The following ADCY9 variants were observed in gnomAD, a reference collection of about 807,000 sequenced individuals.
ADCY9 encodes the protein adenylate cyclase type 9.
In ADCY9, 50 loss-of-function variants were observed where a neutral mutation model predicts 101.5. That is an observed-to-expected ratio of 0.49 (90% CI 0.39 to 0.62). ADCY9 has a LOEUF of 0.62. ADCY9 is among the 20% of genes least tolerant of loss of function. The probability of loss-of-function intolerance (pLI) is 0.00; values close to 1 mark genes in which losing one functional copy is unlikely to be tolerated. For synonymous variants in ADCY9, 905 were observed against 769.3 expected (o/e 1.18, Z -2.92); for missense variants, 1,662 against 1,800.4 (o/e 0.92, Z 1.39).
intron 3 of ADCY9, among the ~76,000 whole-genome samples, chr16:3,999,330 C>A (rs978510752): frequency 6.6e-6 from 1 of 152,222 alleles, no homozygotes; most frequent in African/African-American, 2.4e-5. Context: ...GGCCCCCATC[C>A]ACGCAATATC....
At chr16:4,077,082 A>G (rs2056872324) in intron 2 of ADCY9, among the ~76,000 whole-genome samples, 1 of 151,528 alleles carries the variant, frequency 6.6e-6, no homozygotes. Flanking sequence ...CGTCTCAAAA[A>G]AAAAAAAAAA....
At position 4,115,062 on chromosome 16, in the gene ADCY9, G is replaced by A; in HGVS notation, c.381C>T (p.Cys127=). 3 of 1,614,054 alleles carry A rather than the reference G, an allele frequency of 1.9e-6. No homozygotes were observed. The highest frequency in any genetic ancestry group is 2.5e-6 in the Non-Finnish European group (3 of 1,180,036). The stretch of plus-strand genomic sequence containing the variant: ...CCGCAAAATAGATGCTCCACAGAAG[G>A]CAGGCGAAGCCGATGTAGAAGAGCG... The part of the protein sequence containing the change: ...RYALFYIGFA[C]LLWSIYFAVH... Residue 127 remains cysteine (C), a synonymous_variant, in exon 2 of 11, where the codon TGC becomes TGT. Transcript: ENST00000294016. The surrounding 1 kb of genome is among the most constrained non-coding windows in gnomAD (Gnocchi z 6.2).
rs528624406 is a variant in ADCY9 at position 4,028,143 on chromosome 16, C to T, written c.1694-20585G>A. Among the ~76,000 whole-genome samples the T allele has an allele frequency of 2.0e-5, 3 of 152,216 alleles. No individual in the cohort carries two copies. The South Asian group carries it at 6.2e-4, about 32-fold the overall frequency. On this transcript the variant is annotated intron_variant, in intron 2 of 10. Transcript: ENST00000294016. ...CCTGATTGTACTGGTGGCTACAAAA[C>T]CTATACATGTGTTATGATCCTTAGA...
chr16:3,961,859 C>T (rs2055940757), downstream of ADCY9, among the ~76,000 whole-genome samples: 1 of 152,042 alleles, frequency 6.6e-6, no homozygotes, highest in African/African-American at 2.4e-5. Context: ...AACCCTGTCT[C>T]TACTAAAAAT....
At chr16:4,097,939 G>C (rs972899747) in intron 2 of ADCY9, among the ~76,000 whole-genome samples, 1 of 152,140 alleles carries the variant, frequency 6.6e-6, no homozygotes, top group Non-Finnish European at 1.5e-5. Flanking sequence ...GAACACAGCA[G>C]GAAGTAAAAC....
chr16:4,040,489 C>T (rs1317277070), intron 2 of ADCY9, among the ~76,000 whole-genome samples: 1 of 149,538 alleles, frequency 6.7e-6, no homozygotes, highest in Non-Finnish European at 1.5e-5. Context: ...TAGAGTCTCG[C>T]TCTGTCACCC....
chr16:3,986,235 C>G (rs183571853), intron 6 of ADCY9, among the ~76,000 whole-genome samples: 90 of 152,198 alleles, frequency 5.9e-4, no homozygotes, highest in African/African-American at 2.1e-3. Flanking sequence ...GTGGGATGCT[C>G]GGCTAAGAAC....
chr16:4,032,335 G>C (rs1343802226), intron 2 of ADCY9, among the ~76,000 whole-genome samples: 1 of 151,898 alleles, frequency 6.6e-6, no homozygotes, highest in Non-Finnish European at 1.5e-5. Context: ...GAAGAGCAGA[G>C]ACGGGACCAC....
intron 7 of ADCY9, chr16:3,982,399 T>G (rs1236531360): frequency 6.6e-6 from 1 of 152,320 alleles, no homozygotes; most frequent in Non-Finnish European, 1.5e-5. Context: ...CTAGTGGGAC[T>G]CTGCTAGGCC....
chr16:4,107,425 C>T (rs2057084139), intron 2 of ADCY9, among the ~76,000 whole-genome samples: 1 of 151,960 alleles, frequency 6.6e-6, no homozygotes, highest in Admixed American at 6.6e-5. Flanking sequence ...GTGGCGCACA[C>T]CTGTAATCCC....
intron 2 of ADCY9, among the ~76,000 whole-genome samples, chr16:4,046,497 C>T (rs1597189454): frequency 6.6e-6 from 1 of 152,200 alleles, no homozygotes; most frequent in East Asian, 1.9e-4. Context: ...CATTCCCACT[C>T]ATCCAGAGGA....
intron 2 of ADCY9, among the ~76,000 whole-genome samples, chr16:4,105,057 GA>G (rs71139609): frequency 0.89 from 132,540 of 148,930 alleles, 59,096 homozygotes; most frequent in East Asian, 1. Context: ...CAACAAGAGG[GA>G]AAAAAATCCA....
intron 5 of ADCY9, among the ~76,000 whole-genome samples, chr16:3,956,046 G>A (rs1478736121): frequency 6.6e-6 from 1 of 151,696 alleles, no homozygotes; most frequent in South Asian, 2.1e-4. Context: ...AAAATTTTTC[G>A]TAGAAAAAAT....
At chr16:4,105,588 G>A (rs910962010) in intron 2 of ADCY9, among the ~76,000 whole-genome samples, 8 of 150,634 alleles carry the variant, frequency 5.3e-5, no homozygotes, top group African/African-American at 1.2e-4. Flanking sequence ...ACTGAGACAC[G>A]AGAATTCCTT....
chr16:4,109,513 C>T (rs1026647489), intron 2 of ADCY9, among the ~76,000 whole-genome samples: 2 of 152,198 alleles, frequency 1.3e-5, no homozygotes, highest in African/African-American at 2.4e-5. Flanking sequence ...CAAGTCCATC[C>T]TGCATTCTCC....
chr16:4,005,490 C>A (rs2056361024), intron 3 of ADCY9, among the ~76,000 whole-genome samples: 1 of 152,202 alleles, frequency 6.6e-6, no homozygotes, highest in African/African-American at 2.4e-5. Flanking sequence ...CGGCCGCCCA[C>A]AGCACCAGGA....
intron 2 of ADCY9, among the ~76,000 whole-genome samples, chr16:4,036,652 G>C (rs945743367): frequency 6.6e-6 from 1 of 151,908 alleles, no homozygotes; most frequent in African/African-American, 2.4e-5. Flanking sequence ...AGTAGAGAAA[G>C]GGTTTCGCCA....
At chr16:4,029,744 C>T (rs920866772) in intron 2 of ADCY9, among the ~76,000 whole-genome samples, 1 of 151,942 alleles carries the variant, frequency 6.6e-6, no homozygotes, top group African/African-American at 2.4e-5. Flanking sequence ...GACTCTGTCT[C>T]AAGACAATAC....
At position 3,977,496 on chromosome 16, in the gene ADCY9, G is replaced by C; in HGVS notation, c.2814C>G (p.Ser938=). 1 of 1,568,982 alleles carries C rather than the reference G, an allele frequency of 6.4e-7. No individual in the cohort carries two copies. The highest frequency in any genetic ancestry group is 8.6e-7 in the Non-Finnish European group (1 of 1,157,238). ...TGGCCGCGTACCTGTCTGGGCACAGGGAGACGTAGAGCAGGAGCAGCGGCC... is the reference window on the plus strand; with the variant it reads ...TGGCCGCGTACCTGTCTGGGCACAGCGAGACGTAGAGCAGGAGCAGCGGCC... ...GAGPLLLLYV[S]LCPDSSVLTS... Residue 938 remains serine (S), a synonymous_variant, in exon 9 of 11, where the codon TCC becomes TCG. Transcript: ENST00000294016.
Sources: gnomAD v4.1 joint callset for allele counts (sites outside exome capture counted in the v4.1 genomes callset) on GRCh38, gnomAD v4.1.1 for gene constraint, Gnocchi (gnomAD v3.1) non-coding constraint, MANE v1.5 for transcripts, NCBI Gene and HGNC (gene_info 2026-07-23, HGNC 2026-07-21) for gene names.